FMNL3: variants seen among roughly 807,000 people sequenced by gnomAD.
FMNL3 encodes the protein formin-like protein 3.
In FMNL3, 57 loss-of-function variants were observed where a neutral mutation model predicts 119.6. That is an observed-to-expected ratio of 0.48 (90% CI 0.39 to 0.59). The LOEUF is 0.59. FMNL3 is among the 20% of genes least tolerant of loss of function. The pLI, the probability that FMNL3 is intolerant of heterozygous loss-of-function variation, is 0.00. For missense variants in FMNL3, 1,053 were observed against 1,323.5 expected (o/e 0.80, Z 3.17); for synonymous variants, 491 against 507.3 (o/e 0.97, Z 0.43).
At chr12:49,668,302 G>C (rs1943946466) in intron 2 of FMNL3, among the ~76,000 whole-genome samples, 169 bp downstream of exon 2, 2 of 152,228 alleles carry the variant, frequency 1.3e-5, no homozygotes, top group Admixed American at 6.5e-5. Flanking sequence ...TGCCAGCTCT[G>C]TCTCTGTTAT....
chr12:49,673,852 CA>C (rs910815978), intron 1 of FMNL3, among the ~76,000 whole-genome samples: 1 of 152,254 alleles, frequency 6.6e-6, no homozygotes, highest in African/African-American at 2.4e-5. Context: ...ATTGTTCCAG[CA>C]CAGCTCCTTC....
chr12:49,651,956 G>A lies in FMNL3; in HGVS notation c.1580C>T (p.Pro527Leu), dbSNP rs750730039. ...PLPPPPAPPL[P>L]PPPPPLPDKC... ...ACCTGGTAATGGGGGAGGTGGAGGG[G>A]GCAAGGGCGGAGCTGGTGGTGGAGG... Residue 527 changes from proline to leucine, a missense_variant, in exon 14 of 26, where the codon CCC becomes CTC. Transcript: ENST00000335154. 3.1e-6 allele frequency: 5 copies of A among 1,600,690 alleles called. No homozygotes were observed. The South Asian group carries it at 4.5e-5, about 14-fold the overall frequency.
At position 49,642,791 on chromosome 12, in the gene FMNL3, A is replaced by AGGGGAGGCCT. The variant is rs1397509935; in HGVS notation, c.*3014_*3023dup. ...TAGGGCACTCCTGGCCAGCTAAGGA[A>AGGGGAGGCCT]GGGGAGGCCTGAGGATCCCTGGGAT... On this transcript the variant is annotated 3_prime_UTR_variant, in exon 26 of 26. Coordinates refer to ENST00000335154, the MANE Select transcript of FMNL3 (RefSeq NM_175736.5). This position sits in a 1 kb window ranked among gnomAD's most constrained non-coding sequence, Gnocchi z 5.8. The AGGGGAGGCCT allele has an allele frequency of 5.5e-5, 79 of 1,427,328 alleles. 1 individual carries two copies. The East Asian group carries it at 2.0e-3, about 35-fold the overall frequency. 88.4% of individuals were successfully genotyped at this position (1,427,328 alleles called of 1,614,324 possible).
At position 49,648,243 on chromosome 12, in the gene FMNL3, T is replaced by C. The variant is rs1297792522; in HGVS notation, c.2626A>G (p.Thr876Ala). 6.2e-7 allele frequency: 1 copy of C among 1,613,914 alleles called. No individual in the cohort carries two copies. The highest frequency in any genetic ancestry group is 8.5e-7 in the Non-Finnish European group (1 of 1,179,984). ...DNSVLRNFLS[T>A]NEGKLDKLQR... ...AGCTTGTCTAGTTTGCCTTCATTGG[T>C]ACTGAGGAAGTTCCGGAGGACGCTG... The change falls in exon 22 of 26, where the codon ACC (threonine) becomes GCC (alanine). Residue 876 changes from threonine (T) to alanine (A), a missense_variant. Coordinates refer to ENST00000335154, the MANE Select transcript of FMNL3 (RefSeq NM_175736.5).
Position 49,636,567 on chromosome 12 carries a change from C to T in FMNL3, c.*9248G>A. 1.1e-6 allele frequency: 1 copy of T among 913,136 alleles called. No individual in the cohort carries two copies. The highest frequency in any genetic ancestry group is 1.7e-6 in the Non-Finnish European group (1 of 600,602). 56.6% of individuals were successfully genotyped at this position (913,136 alleles called of 1,614,324 possible). ...TTAAGAACTACCATTGCAGTGGCTG[C>T]TCCCACAGAGCCCCCTCCAGGCCCT... On this transcript the variant is annotated 3_prime_UTR_variant, in exon 26 of 26. Coordinates refer to ENST00000335154, the MANE Select transcript of FMNL3 (RefSeq NM_175736.5).
At chr12:49,697,101 A>C (rs1466115481) in intron 1 of FMNL3, among the ~76,000 whole-genome samples, 1 of 152,242 alleles carries the variant, frequency 6.6e-6, no homozygotes, top group African/African-American at 2.4e-5. Flanking sequence ...AAGATTGAGA[A>C]CTACTGTTGA....
At position 49,645,011 on chromosome 12, in the gene FMNL3, C is replaced by T. The variant is rs1045209362; in HGVS notation, c.*804G>A. On this transcript the variant is annotated 3_prime_UTR_variant, in exon 26 of 26. Coordinates refer to ENST00000335154, the MANE Select transcript of FMNL3 (RefSeq NM_175736.5). ...AGAGGAAAGGGAGGTGGTACATGTA[C>T]AAAAAAGTGGGCCCCCACATTCCCT... 1 of 129,548 alleles carries T rather than the reference C, an allele frequency of 7.7e-6. No homozygotes were observed. Among genetic ancestry groups the T allele is most frequent in the African/African-American group, 3.0e-5 (1 of 33,558 alleles). The allele number at this position is 129,548 out of a possible 1,614,324, so 8.0% of individuals were successfully genotyped here.
Position 49,645,725 on chromosome 12 carries a change from G to GCC in FMNL3, c.*88_*89dup. ...CGGACATGGTTGAGAGAGCAACACA[G>GCC]CCCTCTCCTGAGCCCTTGGCCAATT... On this transcript the variant is annotated 3_prime_UTR_variant, in exon 26 of 26. Coordinates refer to ENST00000335154, the MANE Select transcript of FMNL3 (RefSeq NM_175736.5). 8.9e-7 allele frequency: 1 copy of GCC among 1,117,576 alleles called. No individual in the cohort carries two copies. Among genetic ancestry groups the GCC allele is most frequent in the East Asian group, 2.7e-5 (1 of 37,244 alleles). 69.2% of individuals were successfully genotyped at this position (1,117,576 alleles called of 1,614,324 possible). A position where few individuals can be genotyped will look rare whatever the true frequency, so the allele number is the denominator to read the frequency against.
At chr12:49,667,903 C>G (rs1298050495) in intron 2 of FMNL3, among the ~76,000 whole-genome samples, 1 of 152,180 alleles carries the variant, frequency 6.6e-6, no homozygotes, top group East Asian at 1.9e-4. Flanking sequence ...GACTCATGAT[C>G]TTCAAATGCA....
At chr12:49,697,640 C>T (rs1259702009) in intron 1 of FMNL3, among the ~76,000 whole-genome samples, 3 of 152,136 alleles carry the variant, frequency 2.0e-5, no homozygotes, top group Non-Finnish European at 4.4e-5. Flanking sequence ...CAGTTGAAAG[C>T]TACTTTAAAT....
In FMNL3 at chr12:49,648,114, A is replaced by G. The variant is rs1943267896; in HGVS notation, c.2676+79T>C. On this transcript the variant is annotated intron_variant, in intron 22 of 25. Coordinates refer to ENST00000335154, the MANE Select transcript of FMNL3 (RefSeq NM_175736.5). Reference sequence around the variant, plus strand: ...GCCAGCTGCTTGATTTAAAAAAAAAAAAAAATAGAACTAGGGCCACCTAGA... The same window carrying G: ...GCCAGCTGCTTGATTTAAAAAAAAAGAAAAATAGAACTAGGGCCACCTAGA... The G allele has an allele frequency of 2.0e-6, 3 of 1,493,092 alleles. No homozygotes were observed. In the African/African-American group the frequency reaches 4.3e-5, roughly 21 times the overall value. 92.5% of individuals were successfully genotyped at this position (1,493,092 alleles called of 1,614,324 possible).
chr12:49,637,862 A>C lies in FMNL3; in HGVS notation c.*7953T>G. On this transcript the variant is annotated 3_prime_UTR_variant, in exon 26 of 26. Transcript: ENST00000335154. ...GGGGTTATGGATGGATACAGGATGG[A>C]TGCAGGGCACACTCCCTGCAGAGGA... The C allele has an allele frequency of 6.6e-7, 1 of 1,517,648 alleles. No homozygotes were observed. Among genetic ancestry groups the C allele is most frequent in the Non-Finnish European group, 9.1e-7 (1 of 1,094,866 alleles). 94.0% of individuals were successfully genotyped at this position (1,517,648 alleles called of 1,614,324 possible).
Position 49,647,819 on chromosome 12 carries a change from G to A in FMNL3, c.2677-15C>T, listed in dbSNP as rs759213152. 2.5e-6 allele frequency: 4 copies of A among 1,595,588 alleles called. No individual in the cohort carries two copies. In the Admixed American group the frequency reaches 6.7e-5, roughly 27 times the overall value. On this transcript the variant is annotated splice_polypyrimidine_tract_variant and intron_variant, in intron 22 of 25. Coordinates refer to ENST00000335154, the MANE Select transcript of FMNL3 (RefSeq NM_175736.5). This position sits in a 1 kb window ranked among gnomAD's most constrained non-coding sequence, Gnocchi z 4.9. Reference sequence around the variant, plus strand: ...TTGTAGGCCTCCTGGGGAAGGGGTGGGCAGAATGGGTCACCCTGGCAGGAA... The same window carrying A: ...TTGTAGGCCTCCTGGGGAAGGGGTGAGCAGAATGGGTCACCCTGGCAGGAA...
Position 49,642,759 on chromosome 12 carries a change from T to G in FMNL3, c.*3056A>C. The G allele has an allele frequency of 2.0e-6, 3 of 1,491,472 alleles. No individual in the cohort carries two copies. Among genetic ancestry groups the G allele is most frequent in the Non-Finnish European group, 2.8e-6 (3 of 1,090,134 alleles). 92.4% of individuals were successfully genotyped at this position (1,491,472 alleles called of 1,614,324 possible). On this transcript the variant is annotated 3_prime_UTR_variant, in exon 26 of 26. Coordinates refer to ENST00000335154, the MANE Select transcript of FMNL3 (RefSeq NM_175736.5). This position sits in a 1 kb window ranked among gnomAD's most constrained non-coding sequence, Gnocchi z 5.8. Reference sequence around the variant, plus strand: ...AACAGAGACCTCAGTGGCCTCCCTCTTACCCTTAGGGCACTCCTGGCCAGC... The same window carrying G: ...AACAGAGACCTCAGTGGCCTCCCTCGTACCCTTAGGGCACTCCTGGCCAGC...
intron 1 of FMNL3, among the ~76,000 whole-genome samples, chr12:49,690,392 T>C (rs1944571397): frequency 6.6e-6 from 1 of 151,688 alleles, no homozygotes; most frequent in Admixed American, 6.6e-5. Flanking sequence ...CCTTCTTTGT[T>C]ACACTCTCTC....
At position 49,652,372 on chromosome 12, in the gene FMNL3, G is replaced by A; in HGVS notation, c.1324-160C>T. 3 of 1,368,366 alleles carry A rather than the reference G, an allele frequency of 2.2e-6. No homozygotes were observed. The South Asian group carries it at 4.6e-5, about 21-fold the overall frequency. 84.8% of individuals were successfully genotyped at this position (1,368,366 alleles called of 1,614,324 possible). ...ACCCAGGTGGGGGAATGAGGAAGCTGGAAGGCAGCAAAACAAAAGAGGCAA... is the reference window on the plus strand; with the variant it reads ...ACCCAGGTGGGGGAATGAGGAAGCTAGAAGGCAGCAAAACAAAAGAGGCAA... On this transcript the variant is annotated intron_variant, in intron 13 of 25. Coordinates refer to ENST00000335154, the MANE Select transcript of FMNL3 (RefSeq NM_175736.5).
chr12:49,648,789 G>A (rs534580380), intron 21 of FMNL3, among the ~76,000 whole-genome samples: 94 of 152,360 alleles, frequency 6.2e-4, no homozygotes, highest in African/African-American at 2.1e-3. Context: ...TCCCCTTCTT[G>A]TTCCTGCTCC....
In FMNL3 at chr12:49,641,880, C is replaced by G; in HGVS notation, c.*3935G>C. 1 of 1,602,250 alleles carries G rather than the reference C, an allele frequency of 6.2e-7. No individual in the cohort carries two copies. Among genetic ancestry groups the G allele is most frequent in the Non-Finnish European group, 8.5e-7 (1 of 1,171,608 alleles). On this transcript the variant is annotated 3_prime_UTR_variant, in exon 26 of 26. Transcript: ENST00000335154. ...GCTTTGGCCTCAGGCACGTGGTGCCCCTGCTTCATGCACTGCTGTACCCAC... is the reference window on the plus strand; with the variant it reads ...GCTTTGGCCTCAGGCACGTGGTGCCGCTGCTTCATGCACTGCTGTACCCAC...
rs759976988 is a variant in FMNL3 at position 49,649,218 on chromosome 12, C to T, written c.2385+41G>A. ...AAGCACTCTGGCTCCACAACTGCTG[C>T]CCCCCAGGCTTCCTGGCCCACGCTG... On this transcript the variant is annotated intron_variant, in intron 20 of 25. Transcript: ENST00000335154. The surrounding 1 kb of genome is among the most constrained non-coding windows in gnomAD (Gnocchi z 5.6). The T allele has an allele frequency of 1.2e-6, 2 of 1,612,784 alleles. No individual in the cohort carries two copies. The highest frequency in any genetic ancestry group is 2.2e-5 in the East Asian group (1 of 44,886).
Sources: allele counts gnomAD v4.1 joint callset (sites outside exome capture counted in the v4.1 genomes callset), GRCh38; gene constraint gnomAD v4.1.1; non-coding constraint Gnocchi (gnomAD v3.1); transcripts MANE v1.5; gene names NCBI Gene and HGNC (gene_info 2026-07-23, HGNC 2026-07-21).